The following TICRR variants were observed in gnomAD, a reference collection of about 807,000 sequenced individuals.
TICRR encodes the protein TOPBP1 interacting checkpoint and replication regulator, also known as treslin.
In TICRR, 132 loss-of-function variants were observed where a neutral mutation model predicts 178.1. That is an observed-to-expected ratio of 0.74 (90% CI 0.64 to 0.86). The LOEUF is 0.86. TICRR is among the 40% of genes least tolerant of loss of function. The probability of loss-of-function intolerance (pLI) is 0.00; values close to 1 mark genes in which losing one functional copy is unlikely to be tolerated. For missense variants in TICRR, 2,587 were observed against 2,334.3 expected (o/e 1.11, Z -2.23); for synonymous variants, 991 against 900.7 (o/e 1.10, Z -1.79).
At chr15:89,603,043 A>G (rs1963121924) in intron 13 of TICRR, 151 bp downstream of exon 13, 1 of 419,692 alleles carries the variant, frequency 2.4e-6, no homozygotes, top group East Asian at 3.7e-5. Flanking sequence ...GAATAAAGAA[A>G]TATAAACTTG....
chr15:89,578,447 G>A (rs541951073), intron 1 of TICRR, among the ~76,000 whole-genome samples: 1 of 152,274 alleles, frequency 6.6e-6, no homozygotes, highest in East Asian at 1.9e-4. Context: ...TGGGGAAAAT[G>A]AAATCCTAGA....
At chr15:89,593,226 A>AT (rs369964219) in intron 5 of TICRR, among the ~76,000 whole-genome samples, 322 of 152,280 alleles carry the variant, frequency 2.1e-3, no homozygotes, top group African/African-American at 7.2e-3. Flanking sequence ...CATCTTAACA[A>AT]TGTTGAGTCA....
rs370103427 is a variant in TICRR at position 89,601,385 on chromosome 15, G to A, written c.2241G>A (p.Val747=). ...GTACAGATGATATGGAACAAGTAGTGGAGGAGGCAAGTATATAGTTTCGTG... is the reference window on the plus strand; with the variant it reads ...GTACAGATGATATGGAACAAGTAGTAGAGGAGGCAAGTATATAGTTTCGTG... ...NESTDDMEQV[V]EEVTDLLRMV... The change falls in exon 10 of 22, where the codon GTG becomes GTA. Residue 747 remains valine (V), a synonymous_variant. Transcript: ENST00000268138. 2.5e-6 allele frequency: 4 copies of A among 1,614,084 alleles called. No individual in the cohort carries two copies. Among genetic ancestry groups the A allele is most frequent in the Non-Finnish European group, 3.4e-6 (4 of 1,179,942 alleles).
chr15:89,592,677 G>A (rs776041405), intron 5 of TICRR, among the ~76,000 whole-genome samples: 6 of 152,106 alleles, frequency 3.9e-5, no homozygotes, highest in Non-Finnish European at 8.8e-5. Context: ...GTGATCAAGA[G>A]AAACAAAAGA....
At chr15:89,608,994 G>GT (rs751603515) in intron 15 of TICRR, 45 bp downstream of exon 15, 1 of 1,476,574 alleles carries the variant, frequency 6.8e-7, no homozygotes, top group East Asian at 2.8e-5. Flanking sequence ...GGGAGATTCT[G>GT]TAAGATTAGT....
chr15:89,624,616 G>A lies in TICRR; in HGVS notation c.4306G>A (p.Glu1436Lys). The change falls in exon 20 of 22, where the codon GAA becomes AAA. Residue 1436 changes from glutamate to lysine, a missense_variant. Glu to Lys is a moderately conservative substitution (Grantham distance 56, BLOSUM62 1). Transcript: ENST00000268138. ...GAGCCTCTCTCCTCAGTCTCCTCCTGAAAGACGGGGCTACCCAGGCCCTGG... is the reference window on the plus strand; with the variant it reads ...GAGCCTCTCTCCTCAGTCTCCTCCTAAAAGACGGGGCTACCCAGGCCCTGG... ...GLSLSPQSPP[E>K]RRGYPGPGLR... is the part of the protein sequence containing the mutation. 1 of 1,613,970 alleles carries A rather than the reference G, an allele frequency of 6.2e-7. No homozygotes were observed. The highest frequency in any genetic ancestry group is 2.2e-5 in the East Asian group (1 of 44,888).
chr15:89,609,640 A>T (rs1319321984), intron 15 of TICRR, among the ~76,000 whole-genome samples: 1 of 151,726 alleles, frequency 6.6e-6, no homozygotes, highest in East Asian at 1.9e-4. Context: ...ACACCCGGCT[A>T]ATTTTTGTAT....
intron 13 of TICRR, among the ~76,000 whole-genome samples, chr15:89,605,825 G>A (rs1344355747): frequency 6.6e-6 from 1 of 152,050 alleles, no homozygotes; most frequent in Non-Finnish European, 1.5e-5. Context: ...CAATTATTAT[G>A]ATGAATTGAA....
intron 15 of TICRR, among the ~76,000 whole-genome samples, chr15:89,611,115 G>A (rs971453619): frequency 1.5e-4 from 22 of 150,576 alleles, no homozygotes; most frequent in African/African-American, 4.4e-4. Flanking sequence ...TACCTTTACC[G>A]TTGTTTTTTA....
chr15:89,621,624 C>A, intron 19 of TICRR, 74 bp downstream of exon 19: 3 of 1,306,910 alleles, frequency 2.3e-6, no homozygotes, highest in Admixed American at 2.5e-5. Flanking sequence ...AACTCAGAGT[C>A]CATTAGGGAA....
Position 89,606,775 on chromosome 15 carries a change from C to G in TICRR, c.2672C>G (p.Ser891Cys). 6.2e-7 allele frequency: 1 copy of G among 1,613,722 alleles called. No individual in the cohort carries two copies. Among genetic ancestry groups the G allele is most frequent in the Non-Finnish European group, 8.5e-7 (1 of 1,179,758 alleles). ...GATTTTCTCATGTTTCAGGAGAACTCTCACCCTGCTCCTCAGCAGCCTTCC... is the reference window on the plus strand; with the variant it reads ...GATTTTCTCATGTTTCAGGAGAACTGTCACCCTGCTCCTCAGCAGCCTTCC... ...VSKRATKKEN[S>C]HPAPQQPSQP... The change falls in exon 14 of 22, where the codon TCT becomes TGT. Residue 891 changes from serine to cysteine, a missense_variant. By Grantham distance (112) the Ser-to-Cys change is moderately radical. Coordinates refer to ENST00000268138, the MANE Select transcript of TICRR (RefSeq NM_152259.4).
intron 1 of TICRR, among the ~76,000 whole-genome samples, chr15:89,577,321 G>T (rs1962641410): frequency 6.6e-6 from 1 of 152,064 alleles, no homozygotes; most frequent in Non-Finnish European, 1.5e-5. Flanking sequence ...AGGCGGTGAG[G>T]CCCCCTGCTC....
At chr15:89,576,352 A>C (rs1962614846) in intron 1 of TICRR, 112 bp downstream of exon 1, 4 of 1,004,464 alleles carry the variant, frequency 4.0e-6, no homozygotes, top group Non-Finnish European at 5.6e-6. Context: ...TAATATGACT[A>C]TGCGTCCCTT....
At chr15:89,610,387 C>G (rs1440175530) in intron 15 of TICRR, among the ~76,000 whole-genome samples, 2 of 152,188 alleles carry the variant, frequency 1.3e-5, no homozygotes, top group Non-Finnish European at 2.9e-5. Context: ...TTTTGAGACT[C>G]TGTACTTAAG....
intron 14 of TICRR, among the ~76,000 whole-genome samples, chr15:89,607,940 C>G (rs1963198299): frequency 6.6e-6 from 1 of 152,038 alleles, no homozygotes; most frequent in African/African-American, 2.4e-5. Context: ...TTTAAAATGT[C>G]CCAGCAGCTT....
At chr15:89,608,365 CA>C in intron 14 of TICRR, among the ~76,000 whole-genome samples, 1 of 152,078 alleles carries the variant, frequency 6.6e-6, no homozygotes, top group Non-Finnish European at 1.5e-5. Flanking sequence ...AATTAGTTAT[CA>C]AAAAACTACT....
chr15:89,599,353 T>C lies in TICRR; in HGVS notation c.1930T>C (p.Tyr644His), dbSNP rs776020367. 1 of 1,612,434 alleles carries C rather than the reference T, an allele frequency of 6.2e-7. No homozygotes were observed. Among genetic ancestry groups the C allele is most frequent in the Non-Finnish European group, 8.5e-7 (1 of 1,179,348 alleles). Residue 644 changes from tyrosine (Y) to histidine (H), a missense_variant, in exon 8 of 22, where the codon TAT becomes CAT. Tyr to His is a moderately conservative substitution (Grantham distance 83). Coordinates refer to ENST00000268138, the MANE Select transcript of TICRR (RefSeq NM_152259.4). ...TAAAACTGAGGAAGAGCTGCTATCATATATACGTGAAAATTACCAAAAGAC... is the reference window on the plus strand; with the variant it reads ...TAAAACTGAGGAAGAGCTGCTATCACATATACGTGAAAATTACCAAAAGAC... Reference protein sequence around the residue: ...DFKTEEELLSYIRENYQKTVA... With the variant: ...DFKTEEELLSHIRENYQKTVA...
chr15:89,620,913 C>G (rs1963414068), intron 18 of TICRR, among the ~76,000 whole-genome samples: 1 of 149,440 alleles, frequency 6.7e-6, no homozygotes, highest in Admixed American at 6.7e-5. Context: ...TTAGTAGAGA[C>G]AGGTTTCACT....
chr15:89,623,630 A>G lies in TICRR; in HGVS notation c.3320A>G (p.Lys1107Arg). The G allele has an allele frequency of 2.5e-6, 4 of 1,606,564 alleles. No homozygotes were observed. Among genetic ancestry groups the G allele is most frequent in the Non-Finnish European group, 3.4e-6 (4 of 1,177,230 alleles). ...SEVPAAYQTP[K>R]KSHQKSLSFS... ...AAGCATTTCTCTTTTCAGACTCCCA[A>G]GAAGAGTCACCAGAAATCTCTGAGC... The change falls in exon 20 of 22, where the codon AAG becomes AGG. Residue 1107 changes from lysine (K) to arginine (R), a missense_variant. Transcript: ENST00000268138.
Sources: gnomAD v4.1 joint callset for allele counts (sites outside exome capture counted in the v4.1 genomes callset) on GRCh38, gnomAD v4.1.1 for gene constraint, MANE v1.5 for transcripts, NCBI Gene and HGNC (gene_info 2026-07-23, HGNC 2026-07-21) for gene names.